Variants in SRP19 observed in about 807,000 individuals in gnomAD.
SRP19 encodes signal recognition particle 19, also known as signal recognition particle 19 kDa protein.
A neutral mutation model predicts 22.4 loss-of-function variants in SRP19; 11 were observed. The ratio of observed to expected loss-of-function variants is 0.49; its 90% CI spans 0.31 to 0.81. SRP19 has a LOEUF of 0.81. Ranked by LOEUF, SRP19 falls within the 40% of genes least tolerant of loss-of-function variation. SRP19 has a pLI of 0.05. For missense variants in SRP19, 168 were observed against 175.9 expected, an observed-to-expected ratio of 0.96 and a Z score of 0.25; for synonymous variants, 61 against 57.6, an observed-to-expected ratio of 1.06 and a Z score of -0.27.
downstream of SRP19, among the ~76,000 whole-genome samples, chr5:112,873,450 G>A (rs1367109756): frequency 1.3e-5 from 2 of 149,170 alleles, no homozygotes; most frequent in African/African-American, 4.9e-5. Flanking sequence ...GGGTTCAAGC[G>A]ATTCTCCTGC....
chr5:112,861,343 C>A lies in SRP19; in HGVS notation c.-34C>A. 2 of 1,613,998 alleles carry A rather than the reference C, an allele frequency of 1.2e-6. No individual in the cohort carries two copies. Among genetic ancestry groups the A allele is most frequent in the Non-Finnish European group, 1.7e-6 (2 of 1,179,904 alleles). On this transcript the variant is annotated 5_prime_UTR_variant, in exon 1 of 5. In the 5' UTR this introduces an upstream ATG that the reference lacks. Transcript: ENST00000505459. ...TCCCGGGTTTCTGCCGGGTTTCTCC[C>A]TGCGGCTCCTGGGTTGTTGAGACTC...
intron 4 of SRP19, among the ~76,000 whole-genome samples, chr5:112,881,241 A>T (rs887973342): frequency 1.4e-4 from 21 of 152,110 alleles, no homozygotes; most frequent in Non-Finnish European, 2.8e-4. Flanking sequence ...TATGCCCAAA[A>T]ATAGGAGTCC....
intron 4 of SRP19, among the ~76,000 whole-genome samples, chr5:112,879,808 A>G (rs537864977): frequency 6.6e-6 from 1 of 152,116 alleles, no homozygotes; most frequent in South Asian, 2.1e-4. Context: ...GCCAGGCATA[A>G]TGACTCATGC....
At chr5:112,882,267 G>C (rs67293732) in intron 4 of SRP19, among the ~76,000 whole-genome samples, 83,649 of 151,808 alleles carry the variant, frequency 0.55, 25,281 homozygotes, top group African/African-American at 0.82. Context: ...ATCCCACTCA[G>C]CCACCATCAC....
chr5:112,887,671 G>A (rs1324041626), intron 4 of SRP19, among the ~76,000 whole-genome samples: 2 of 152,072 alleles, frequency 1.3e-5, no homozygotes, highest in African/African-American at 2.4e-5. Flanking sequence ...TTCCTTTGGT[G>A]GACCTCAGTT....
chr5:112,880,504 C>T (rs1768038457), intron 4 of SRP19, among the ~76,000 whole-genome samples: 1 of 152,192 alleles, frequency 6.6e-6, no homozygotes, highest in African/African-American at 2.4e-5. Flanking sequence ...GTTGCTCTCC[C>T]TTTGCTCAGT....
chr5:112,879,432 A>C (rs1446642131), intron 4 of SRP19, among the ~76,000 whole-genome samples: 3 of 152,096 alleles, frequency 2.0e-5, no homozygotes, highest in Non-Finnish European at 4.4e-5. Context: ...TGGCATACAT[A>C]GTATTTCCAT....
chr5:112,866,976 C>A (rs1767625831), intron 4 of SRP19, among the ~76,000 whole-genome samples: 1 of 145,232 alleles, frequency 6.9e-6, no homozygotes. Flanking sequence ...ATCATCTGAT[C>A]TTACCCATCG....
At position 112,876,657 on chromosome 5, in the gene SRP19, C is replaced by G. The variant is rs1387615876; in HGVS notation, c.301+11925C>G. The G allele has an allele frequency of 3.3e-5, 5 of 152,160 alleles. 1 individual carries two copies. The South Asian group carries it at 1.0e-3, about 32-fold the overall frequency. 9.4% of individuals were successfully genotyped at this position (152,160 alleles called of 1,614,324 possible). A position where few individuals can be genotyped will look rare whatever the true frequency, so the allele number is the denominator to read the frequency against. The stretch of plus-strand genomic sequence containing the variant: ...AACACTATTCACATTCAAATAAACG[C>G]TTGTTTTCTAGCCAGGCACAGGCTC... On this transcript the variant is annotated intron_variant, in intron 4 of 4. Transcript: ENST00000391338.
intron 4 of SRP19, chr5:112,885,044 A>G (rs1768200023): frequency 6.6e-6 from 1 of 152,470 alleles, no homozygotes; most frequent in East Asian, 1.9e-4. Flanking sequence ...CAAAAACTGA[A>G]CAGCATACTG....
Position 112,868,004 on chromosome 5 carries a change from A to G in SRP19, c.*467A>G. Reference sequence around the variant, plus strand: ...GTTTCCATAGTGTGAGGCTAAAACTAGAAGAAACTGTGGTAGGTCCTTTTG... The same window carrying G: ...GTTTCCATAGTGTGAGGCTAAAACTGGAAGAAACTGTGGTAGGTCCTTTTG... On this transcript the variant is annotated 3_prime_UTR_variant, in exon 5 of 5. Transcript: ENST00000505459. The G allele has an allele frequency of 1.0e-6, 1 of 986,468 alleles. No individual in the cohort carries two copies. The highest frequency in any genetic ancestry group is 5.2e-4 in the Middle Eastern group (1 of 1,914). 61.1% of individuals were successfully genotyped at this position (986,468 alleles called of 1,614,324 possible). A position where few individuals can be genotyped will look rare whatever the true frequency, so the allele number is the denominator to read the frequency against.
chr5:112,873,871 G>A (rs957353614), downstream of SRP19, among the ~76,000 whole-genome samples: 1 of 151,966 alleles, frequency 6.6e-6, no homozygotes, highest in African/African-American at 2.4e-5. Context: ...TTGATTATAA[G>A]TTGAGATCTG....
exon 5 of SRP19, chr5:112,892,310 A>G (rs1305675635): frequency 1.2e-5 from 20 of 1,614,032 alleles, no homozygotes; most frequent in Non-Finnish European, 1.7e-5. Flanking sequence ...AGGGATGACT[A>G]TGACCCTGAC....
rs1402008650 is a variant in SRP19 at position 112,869,350 on chromosome 5, G to T, written c.*1813G>T. On this transcript the variant is annotated 3_prime_UTR_variant, in exon 5 of 5. Transcript: ENST00000505459. ...CAGTTCTCCCACCTTAGCCTCCCAAGTAGCTGAGACCATAGGCATGAGATT... is the reference window on the plus strand; with the variant it reads ...CAGTTCTCCCACCTTAGCCTCCCAATTAGCTGAGACCATAGGCATGAGATT... 1 of 152,214 alleles carries T rather than the reference G, an allele frequency of 6.6e-6. No individual in the cohort carries two copies. The highest frequency in any genetic ancestry group is 2.1e-4 in the South Asian group (1 of 4,834). 9.4% of individuals were successfully genotyped at this position (152,214 alleles called of 1,614,324 possible). A position where few individuals can be genotyped will look rare whatever the true frequency, so the allele number is the denominator to read the frequency against.
chr5:112,886,904 G>T, intron 4 of SRP19: 2 of 708,462 alleles, frequency 2.8e-6, no homozygotes, highest in Admixed American at 4.8e-5. Context: ...AGTAATGTTG[G>T]CATTTGGCTG....
At chr5:112,896,592 A>G (rs1391863469), downstream of SRP19, 4 of 152,208 alleles carry the variant, frequency 2.6e-5, no homozygotes, top group Non-Finnish European at 5.9e-5. Flanking sequence ...AGCACAGGTG[A>G]CAATTCAGGT....
chr5:112,874,326 C>T (rs961197232), downstream of SRP19, among the ~76,000 whole-genome samples: 1 of 152,172 alleles, frequency 6.6e-6, no homozygotes, highest in Non-Finnish European at 1.5e-5. Context: ...TTACTAGTTT[C>T]TACCAGTGGG....
intron 4 of SRP19, among the ~76,000 whole-genome samples, chr5:112,887,897 T>C (rs712663): frequency 0.47 from 71,698 of 151,854 alleles, 19,699 homozygotes; most frequent in African/African-American, 0.78. Context: ...TACCAACTCG[T>C]CACTTCAAGT....
At chr5:112,887,714 C>T (rs1768304370) in intron 4 of SRP19, among the ~76,000 whole-genome samples, 1 of 152,006 alleles carries the variant, frequency 6.6e-6, no homozygotes, top group Admixed American at 6.5e-5. Context: ...GGAATCTTTA[C>T]AGTTGTTCTT....
Sources: gnomAD v4.1 joint callset for allele counts (sites outside exome capture counted in the v4.1 genomes callset) on GRCh38, gnomAD v4.1.1 for gene constraint, MANE v1.5 for transcripts, NCBI Gene and HGNC (gene_info 2026-07-23, HGNC 2026-07-21) for gene names.